Variants in SMIM41 observed in about 807,000 individuals in gnomAD.
SMIM41 encodes small integral membrane protein 41.
intron 2 of SMIM41, 155 bp from the exon 3 acceptor site, chr12:52,107,224 C>A: frequency 2.7e-6 from 1 of 367,520 alleles, no homozygotes; most frequent in South Asian, 2.1e-5. Context: ...AATCTGAAAA[C>A]ATTACTTGTG....
At chr12:52,098,510 TGGG>T (rs34282492) in intron 2 of SMIM41, among the ~76,000 whole-genome samples, 23,098 of 147,222 alleles carry the variant, frequency 0.16, 4,226 homozygotes, top group African/African-American at 0.46. Context: ...AACAATATCG[TGGG>T]GGGGGGGGGA....
At chr12:52,106,073 C>T (rs1940333552) in intron 2 of SMIM41, among the ~76,000 whole-genome samples, 1 of 152,176 alleles carries the variant, frequency 6.6e-6, no homozygotes, top group African/African-American at 2.4e-5. Flanking sequence ...GCTTAAACTC[C>T]ATACAATTCA....
chr12:52,098,485 C>T (rs1940143652), intron 2 of SMIM41, among the ~76,000 whole-genome samples: 1 of 143,066 alleles, frequency 7.0e-6, no homozygotes, highest in Admixed American at 7.1e-5. Flanking sequence ...ATCGTCTCCC[C>T]TCATGAATAT....
chr12:52,095,192 C>T (rs534072064), intron 2 of SMIM41, among the ~76,000 whole-genome samples: 80 of 151,868 alleles, frequency 5.3e-4, no homozygotes, highest in African/African-American at 1.7e-3. Flanking sequence ...AAGTGATCCA[C>T]GCTCCTTGGT....
chr12:52,093,195 TCAA>T (rs200157544), intron 2 of SMIM41, among the ~76,000 whole-genome samples: 2,245 of 152,060 alleles, frequency 0.015, 51 homozygotes, highest in African/African-American at 0.051. Flanking sequence ...AGACCCTGTC[TCAA>T]CAACAACAAC....
intron 2 of SMIM41, among the ~76,000 whole-genome samples, chr12:52,103,798 T>C (rs1449107933): frequency 6.6e-6 from 1 of 152,130 alleles, no homozygotes; most frequent in Non-Finnish European, 1.5e-5. Flanking sequence ...ATTCCACTTA[T>C]ATCAAGGGTC....
intron 2 of SMIM41, among the ~76,000 whole-genome samples, chr12:52,090,501 G>C (rs1011582690): frequency 1.3e-5 from 2 of 152,158 alleles, no homozygotes; most frequent in Non-Finnish European, 2.9e-5. Context: ...AGGAAGGAGC[G>C]CACCTGCTGT....
chr12:52,099,275 C>T (rs1368164604), intron 2 of SMIM41, among the ~76,000 whole-genome samples: 2 of 151,814 alleles, frequency 1.3e-5, no homozygotes, highest in Non-Finnish European at 2.9e-5. Context: ...GGATTGTACA[C>T]CTGCTGCGAT....
chr12:52,095,387 G>A (rs1030492441), intron 2 of SMIM41, among the ~76,000 whole-genome samples: 13 of 151,884 alleles, frequency 8.6e-5, no homozygotes, highest in Admixed American at 5.9e-4. Context: ...TATGATCCAC[G>A]GTGGTCCCAT....
chr12:52,092,060 T>C (rs986945486), intron 2 of SMIM41: 2 of 152,158 alleles, frequency 1.3e-5, no homozygotes, highest in Admixed American at 6.5e-5. Context: ...ACGTAATTGG[T>C]TGAAAATTTG....
rs541054562 is a variant in SMIM41 at position 52,103,632 on chromosome 12, G to A, written c.*196-3747G>A. On this transcript the variant is annotated intron_variant, in intron 2 of 2. Coordinates refer to ENST00000546390, the MANE Select transcript of SMIM41 (RefSeq NM_001369216.1). ...AAATTAGCTGGGTGTGGTGGCACAC[G>A]CCTGTAATCCCAGCTACTCGGGAGA... Among the ~76,000 whole-genome samples, 400 of 152,094 alleles carry A rather than the reference G, an allele frequency of 2.6e-3. 2 individuals are homozygous for A. Among genetic ancestry groups the A allele is most frequent in the Middle Eastern group, 6.8e-3 (2 of 294 alleles).
intron 2 of SMIM41, among the ~76,000 whole-genome samples, chr12:52,093,286 T>C (rs573124808): frequency 6.6e-6 from 1 of 152,208 alleles, no homozygotes; most frequent in Non-Finnish European, 1.5e-5. Context: ...TGACCAAGGA[T>C]GTTCAATAGT....
At chr12:52,087,857 T>A (rs1939915488) in intron 2 of SMIM41, among the ~76,000 whole-genome samples, 1 of 152,092 alleles carries the variant, frequency 6.6e-6, no homozygotes, top group African/African-American at 2.4e-5. Flanking sequence ...GCATCTCCAG[T>A]CTCTCCTTGA....
intron 2 of SMIM41, among the ~76,000 whole-genome samples, chr12:52,099,532 C>T (rs761052813): frequency 4.3e-4 from 65 of 151,742 alleles, no homozygotes; most frequent in African/African-American, 1.5e-3. Context: ...TACATCCGTG[C>T]GATATTGAAA....
intron 2 of SMIM41, among the ~76,000 whole-genome samples, chr12:52,097,846 A>G (rs1940127438): frequency 6.6e-6 from 1 of 151,960 alleles, no homozygotes; most frequent in African/African-American, 2.4e-5. Context: ...ATTTCTTGTG[A>G]TATAGAGAGT....
At chr12:52,104,156 C>T (rs1201924265) in intron 2 of SMIM41, 4 of 152,212 alleles carry the variant, frequency 2.6e-5, no homozygotes, top group Admixed American at 6.5e-5. Flanking sequence ...GAATAATACA[C>T]ACCAGCTTTC....
In SMIM41 at chr12:52,081,175, C is replaced by T. The variant is rs529197948; in HGVS notation, c.*120+994C>T. On this transcript the variant is annotated intron_variant, in intron 1 of 2. Transcript: ENST00000546390. This position sits in a 1 kb window ranked among gnomAD's most constrained non-coding sequence, Gnocchi z 4.1. ...GCTGGAGAGGCCTTCTCTGTTCCTTCCCTCTGTTCAGCTTTGTACCTAGGA... is the reference window on the plus strand; with the variant it reads ...GCTGGAGAGGCCTTCTCTGTTCCTTTCCTCTGTTCAGCTTTGTACCTAGGA... Among the ~76,000 whole-genome samples, 2 of 152,220 alleles carry T rather than the reference C, an allele frequency of 1.3e-5. No homozygotes were observed. The highest frequency in any genetic ancestry group is 4.1e-4 in the South Asian group (2 of 4,830).
rs1306521998 is a variant in SMIM41, at chr12:52,081,098, C to T, written c.*120+917C>T. Among the ~76,000 whole-genome samples, 1 of 152,112 alleles carries T rather than the reference C, an allele frequency of 6.6e-6. No individual in the cohort carries two copies. Among genetic ancestry groups the T allele is most frequent in the Non-Finnish European group, 1.5e-5 (1 of 67,990 alleles). ...CATCTGGAGGGAAGGGCCTGGATGG[C>T]CTGAGGACAAGGTAACTACAGGCGA... On this transcript the variant is annotated intron_variant, in intron 1 of 2. Transcript: ENST00000546390. This position sits in a 1 kb window ranked among gnomAD's most constrained non-coding sequence, Gnocchi z 4.1.
At chr12:52,084,710 A>C (rs1359556363) in intron 2 of SMIM41, 1 of 152,682 alleles carries the variant, frequency 6.5e-6, no homozygotes, top group Admixed American at 6.6e-5. Context: ...AGGTGTGACC[A>C]GGGTGGTGGG....
Sources: gnomAD v4.1 joint callset for allele counts (sites outside exome capture counted in the v4.1 genomes callset) on GRCh38, gnomAD v4.1.1 for gene constraint, Gnocchi (gnomAD v3.1) non-coding constraint, MANE v1.5 for transcripts, NCBI Gene and HGNC (gene_info 2026-07-23, HGNC 2026-07-21) for gene names.